SLC8A1: variants seen among roughly 807,000 people sequenced by gnomAD.
The protein encoded by SLC8A1 is sodium/calcium exchanger 1.
A neutral mutation model predicts 68.3 loss-of-function variants in SLC8A1; 18 were observed. The ratio of observed to expected loss-of-function variants is 0.26; its 90% CI spans 0.18 to 0.39. SLC8A1 has a LOEUF of 0.39. SLC8A1 is among the 10% of genes least tolerant of loss of function. SLC8A1 has a pLI of 1.00. For missense variants in SLC8A1, 985 were observed against 1,156.7 expected, an observed-to-expected ratio of 0.85 and a Z score of 2.15; for synonymous variants, 475 against 415.5, an observed-to-expected ratio of 1.14 and a Z score of -1.74.
At chr2:40,360,712 T>C (rs1674352005) in intron 2 of SLC8A1, among the ~76,000 whole-genome samples, 1 of 152,106 alleles carries the variant, frequency 6.6e-6, no homozygotes, top group Admixed American at 6.6e-5. Flanking sequence ...AGGAACCTAA[T>C]TTTAGAATCT....
chr2:40,336,447 C>T (rs1479968352), intron 2 of SLC8A1, among the ~76,000 whole-genome samples: 1 of 152,180 alleles, frequency 6.6e-6, no homozygotes, highest in Non-Finnish European at 1.5e-5. Flanking sequence ...TATACATGGT[C>T]AGGCCTCGGT....
At chr2:40,364,688 G>GA (rs1260360544) in intron 2 of SLC8A1, among the ~76,000 whole-genome samples, 3 of 151,962 alleles carry the variant, frequency 2.0e-5, no homozygotes, top group East Asian at 1.9e-4. Context: ...TATTTAATGA[G>GA]AAAAAATTTA....
At position 40,202,727 on chromosome 2, in the gene SLC8A1, A is replaced by G. The variant is rs554883942; in HGVS notation, c.1809-24872T>C. On this transcript the variant is annotated intron_variant, in intron 2 of 7. Transcript: ENST00000406785. ...TGGATACCCACACAAACAGGGAGAG[A>G]CCTACTTCCTGGTGTCAATGAAATT... Among the ~76,000 whole-genome samples, 150 of 152,112 alleles carry G rather than the reference A, an allele frequency of 9.9e-4. 1 individual carries two copies. Among genetic ancestry groups the G allele is most frequent in the African/African-American group, 3.3e-3 (139 of 41,540 alleles).
chr2:40,463,805 G>T (rs183457276), intron 1 of SLC8A1, among the ~76,000 whole-genome samples: 7 of 144,080 alleles, frequency 4.9e-5, no homozygotes, highest in Non-Finnish European at 9.0e-5. Flanking sequence ...AAGGGAGGAG[G>T]ATTAAAGAGG....
At chr2:40,161,637 TAAC>T (rs1043564975) in intron 5 of SLC8A1, among the ~76,000 whole-genome samples, 4 of 152,136 alleles carry the variant, frequency 2.6e-5, no homozygotes, top group African/African-American at 4.8e-5. Flanking sequence ...TCAGTTAATG[TAAC>T]AACAAGAGCA....
chr2:40,368,536 A>T (rs1028170837), intron 2 of SLC8A1, among the ~76,000 whole-genome samples: 3 of 151,988 alleles, frequency 2.0e-5, no homozygotes, highest in Non-Finnish European at 4.4e-5. Context: ...GATTTTATTT[A>T]AAAAAACAGA....
chr2:40,263,198 C>G (rs946759129), intron 2 of SLC8A1, among the ~76,000 whole-genome samples: 8 of 152,216 alleles, frequency 5.3e-5, no homozygotes, highest in Non-Finnish European at 1.2e-4. Flanking sequence ...GTCACTTAAC[C>G]TTTCCAAGCC....
intron 2 of SLC8A1, among the ~76,000 whole-genome samples, chr2:40,264,977 T>C (rs1346629058): frequency 6.6e-6 from 1 of 152,214 alleles, no homozygotes; most frequent in Admixed American, 6.5e-5. Context: ...CAGGGGAAGA[T>C]ACACTTCACC....
intron 2 of SLC8A1, among the ~76,000 whole-genome samples, chr2:40,333,437 CA>C (rs11392390): frequency 0.02 from 1,491 of 73,758 alleles, 11 homozygotes; most frequent in African/African-American, 0.057. Flanking sequence ...GACTCCGTCT[CA>C]AAAAAAAAAA....
chr2:40,119,861 A>G (rs937596738), intron 7 of SLC8A1, among the ~76,000 whole-genome samples: 1 of 152,224 alleles, frequency 6.6e-6, no homozygotes, highest in African/African-American at 2.4e-5. Flanking sequence ...ATGACTATAA[A>G]TCAATAAGAA....
intron 1 of SLC8A1, among the ~76,000 whole-genome samples, chr2:40,475,747 G>A (rs1265473251): frequency 2.6e-5 from 4 of 151,814 alleles, no homozygotes; most frequent in African/African-American, 9.7e-5. Flanking sequence ...AGTTGCTGAA[G>A]GATCTCAAAA....
intron 2 of SLC8A1, among the ~76,000 whole-genome samples, chr2:40,188,922 G>C (rs2051218794): frequency 6.6e-6 from 1 of 152,126 alleles, no homozygotes; most frequent in African/African-American, 2.4e-5. Context: ...CCAATAATTA[G>C]TGAATTGGTG....
intron 6 of SLC8A1, among the ~76,000 whole-genome samples, chr2:40,155,670 G>C (rs534814905): frequency 6.6e-6 from 1 of 152,148 alleles, no homozygotes; most frequent in Non-Finnish European, 1.5e-5. Flanking sequence ...TTGTCCAGGG[G>C]ACCACTGAGT....
At chr2:40,359,594 G>T (rs1673906535) in intron 2 of SLC8A1, among the ~76,000 whole-genome samples, 1 of 152,122 alleles carries the variant, frequency 6.6e-6, no homozygotes, top group Non-Finnish European at 1.5e-5. Flanking sequence ...TTAGGGTCAA[G>T]AAGTAGAGAT....
chr2:40,437,325 C>T (rs983917660), intron 1 of SLC8A1, among the ~76,000 whole-genome samples: 1 of 152,116 alleles, frequency 6.6e-6, no homozygotes, highest in African/African-American at 2.4e-5. Flanking sequence ...GTTGCATTAG[C>T]TCATCAAGGA....
chr2:40,130,152 G>T (rs527617129), intron 7 of SLC8A1, among the ~76,000 whole-genome samples: 18 of 152,320 alleles, frequency 1.2e-4, no homozygotes, highest in African/African-American at 4.3e-4. Flanking sequence ...TGAGGAGAAA[G>T]AATAAAAGAT....
At chr2:40,448,231 T>C (rs1354066895) in intron 1 of SLC8A1, among the ~76,000 whole-genome samples, 1 of 152,138 alleles carries the variant, frequency 6.6e-6, no homozygotes, top group African/African-American at 2.4e-5. Context: ...GTAATGTATA[T>C]GTGTGCATGG....
intron 2 of SLC8A1, chr2:40,195,677 TTCTTA>T (rs1361473353): frequency 2.0e-5 from 3 of 152,036 alleles, no homozygotes; most frequent in Non-Finnish European, 4.4e-5. Context: ...AGATAATAAA[TTCTTA>T]TCTTGATATA....
chr2:40,436,057 A>G lies in SLC8A1; in HGVS notation c.-24-5753T>C, dbSNP rs910461585. On this transcript the variant is annotated intron_variant, in intron 1 of 7. Coordinates refer to ENST00000406785, the Ensembl canonical transcript of SLC8A1. ...AGTGCTGGGATTACAGGCATGAACC[A>G]CCACGTCTGGCCAGCTCTTATTACT... Among the ~76,000 whole-genome samples, 4 of 151,628 alleles carry G rather than the reference A, an allele frequency of 2.6e-5. 1 individual carries two copies. The highest frequency in any genetic ancestry group is 4.2e-4 in the South Asian group (2 of 4,818).
Sources: allele counts gnomAD v4.1 joint callset (sites outside exome capture counted in the v4.1 genomes callset), GRCh38; gene constraint gnomAD v4.1.1; transcripts MANE v1.5; gene names NCBI Gene and HGNC (gene_info 2026-07-23, HGNC 2026-07-21).